The following HNRNPH1 variants were observed in gnomAD, a reference collection of about 807,000 sequenced individuals.
The protein encoded by HNRNPH1 is heterogeneous nuclear ribonucleoprotein H.
HNRNPH1 carries 4 observed loss-of-function variants against 58.6 expected under a neutral mutation model. The observed-to-expected ratio is 0.07, with a 90% CI of 0.03 to 0.16. The LOEUF is 0.16. Among genes scored for constraint, HNRNPH1 ranks in the 10% least tolerant of loss-of-function variants. The probability of loss-of-function intolerance (pLI) is 1.00; values close to 1 mark genes in which losing one functional copy is unlikely to be tolerated. For synonymous variants in HNRNPH1, 192 were observed against 189.2 expected, an observed-to-expected ratio of 1.01 and a Z score of -0.12; for missense variants, 271 against 564.2, an observed-to-expected ratio of 0.48 and a Z score of 5.26.
chr5:179,616,588 T>TG (rs1486235143), intron 10 of HNRNPH1: 3 of 516,806 alleles, frequency 5.8e-6, no homozygotes, highest in African/African-American at 5.7e-5. Flanking sequence ...ATCTTAATCC[T>TG]GTTTTGCTAT....
chr5:179,615,583 T>C, exon 12 of HNRNPH1: 1 of 1,567,254 alleles, frequency 6.4e-7, no homozygotes, highest in Non-Finnish European at 8.8e-7. Context: ...GGAGTTTTCC[T>C]GTAAAACTTG....
intron 10 of HNRNPH1, 34 bp downstream of exon 11, chr5:179,616,835 C>T (rs746776691): frequency 4.6e-6 from 7 of 1,531,388 alleles, no homozygotes; most frequent in African/African-American, 4.1e-5. Context: ...CAGATATAAA[C>T]GTTTTGGTTT....
At chr5:179,624,441 CA>C (rs1774143669) in exon 1 of HNRNPH1, 3 of 398,206 alleles carry the variant, frequency 7.5e-6, no homozygotes, top group Non-Finnish European at 1.3e-5. Context: ...TAACGGTCGG[CA>C]GGCCTTGACT....
exon 1 of HNRNPH1, chr5:179,623,060 T>G (rs748440998): frequency 6.3e-7 from 1 of 1,588,712 alleles, no homozygotes; most frequent in Non-Finnish European, 8.6e-7. Flanking sequence ...CTGCACTTCA[T>G]CGGCCGAGCA....
At chr5:179,628,989 G>T (rs879786137), upstream of HNRNPH1, among the ~76,000 whole-genome samples, 1 of 150,044 alleles carries the variant, frequency 6.7e-6, no homozygotes, top group Non-Finnish European at 1.5e-5. Flanking sequence ...TCAAAGAAAA[G>T]AAAATAAATG....
At chr5:179,616,828 A>G in intron 10 of HNRNPH1, 41 bp downstream of exon 11, 2 of 1,473,170 alleles carry the variant, frequency 1.4e-6, no homozygotes, top group Non-Finnish European at 1.9e-6. Context: ...ACTTATACAG[A>G]TATAAACGTT....
At chr5:179,619,115 T>C (rs1771135630) in intron 4 of HNRNPH1, 154 bp downstream of exon 5, 4 of 644,598 alleles carry the variant, frequency 6.2e-6, no homozygotes, top group South Asian at 5.7e-5. Context: ...TTAGTTTGCG[T>C]GTAACGTGGG....
chr5:179,615,137 TTTCTC>T (rs1768904026), intron 12 of HNRNPH1, 178 bp from the exon 14 acceptor site: 1 of 576,224 alleles, frequency 1.7e-6, no homozygotes, highest in Non-Finnish European at 3.1e-6. Flanking sequence ...ATTAACCCCT[TTTCTC>T]TGCAGTACCA....
intron 12 of HNRNPH1, chr5:179,615,176 A>G (rs1768917556): frequency 2.1e-6 from 1 of 484,826 alleles, no homozygotes; most frequent in Non-Finnish European, 3.7e-6. Flanking sequence ...TTGTGCTACC[A>G]TTTTAACGGA....
intron 11 of HNRNPH1, 147 bp from the exon 13 acceptor site, chr5:179,615,742 C>A: frequency 1.8e-6 from 1 of 541,422 alleles, no homozygotes; most frequent in Non-Finnish European, 3.3e-6. Context: ...ATTTCAAATT[C>A]TCCCTCTGTC....
intron 3 of HNRNPH1, chr5:179,620,690 C>T (rs1048898797): frequency 3.5e-6 from 2 of 564,186 alleles, no homozygotes; most frequent in Non-Finnish European, 6.3e-6. Context: ...TAAATATAGG[C>T]AAAGTTAACA....
chr5:179,622,462 G>A (rs1020713353), intron 1 of HNRNPH1, among the ~76,000 whole-genome samples: 5 of 152,202 alleles, frequency 3.3e-5, no homozygotes, highest in Admixed American at 2.6e-4. Context: ...TGTAATCCCA[G>A]CATTTTGGGA....
chr5:179,624,466 G>T, exon 1 of HNRNPH1: 1 of 398,548 alleles, frequency 2.5e-6, no homozygotes, highest in South Asian at 1.3e-4. Context: ...CTGGGGCCCT[G>T]GCACGAGGAG....
exon 4 of HNRNPH1, chr5:179,619,315 T>C: frequency 1.9e-6 from 3 of 1,613,456 alleles, no homozygotes; most frequent in Non-Finnish European, 2.5e-6. Context: ...TTTTCAGCTA[T>C]TTCCTGTGAA....
Position 179,619,427 on chromosome 5 carries a change from A to T in HNRNPH1, c.398-20T>A. 6.2e-7 allele frequency: 1 copy of T among 1,603,578 alleles called. No homozygotes were observed. ...CCAACCCTTCAACCCAAGGACAAATAACCCCAGTAGGGGGGCAATATTAAC... is the reference window on the plus strand; with the variant it reads ...CCAACCCTTCAACCCAAGGACAAATTACCCCAGTAGGGGGGCAATATTAAC... On this transcript the variant is annotated intron_variant, in intron 3 of 12. Transcript: ENST00000356731.
intron 11 of HNRNPH1, 147 bp downstream of exon 12, chr5:179,615,979 A>T: frequency 1.5e-6 from 1 of 660,202 alleles, no homozygotes. Flanking sequence ...AATTTCACCG[A>T]AAGGAGCCTG....
At chr5:179,630,838 G>A (rs984757251) in intron 2 of HNRNPH1, among the ~76,000 whole-genome samples, 8 of 150,786 alleles carry the variant, frequency 5.3e-5, no homozygotes, top group Non-Finnish European at 1.2e-4. Flanking sequence ...GTGAACCCGG[G>A]AGGCAGAGCT....
chr5:179,630,118 G>A (rs528514614), intron 2 of HNRNPH1, among the ~76,000 whole-genome samples: 2 of 152,240 alleles, frequency 1.3e-5, no homozygotes, highest in South Asian at 4.1e-4. Flanking sequence ...GGAGGCCAAG[G>A]TGGGTGGATT....
At chr5:179,617,185 T>C (rs1770189831) in intron 8 of HNRNPH1, 75 bp from the exon 10 acceptor site, 1 of 1,417,212 alleles carries the variant, frequency 7.1e-7, no homozygotes, top group African/African-American at 1.4e-5. Flanking sequence ...ATAAAGTTTT[T>C]AAACAAGCAG....
Sources: gnomAD v4.1 joint callset for allele counts (sites outside exome capture counted in the v4.1 genomes callset) on GRCh38, gnomAD v4.1.1 for gene constraint, MANE v1.5 for transcripts, NCBI Gene and HGNC (gene_info 2026-07-23, HGNC 2026-07-21) for gene names.